The following HDAC10 variants were observed in gnomAD, a reference collection of about 807,000 sequenced individuals.
The protein encoded by HDAC10 is polyamine deacetylase HDAC10.
HDAC10 carries 90 observed loss-of-function variants against 82.3 expected under a neutral mutation model. The ratio of observed to expected loss-of-function variants is 1.09; its 90% CI spans 0.92 to 1.30. HDAC10 has a LOEUF of 1.30. HDAC10 is among the 50% of genes most tolerant of loss of function. HDAC10 has a pLI of 0.00. For synonymous variants in HDAC10, 456 were observed against 391.7 expected, an observed-to-expected ratio of 1.16 and a Z score of -1.94; for missense variants, 934 against 876.3, an observed-to-expected ratio of 1.07 and a Z score of -0.83.
chr22:50,248,129 C>A lies in HDAC10; in HGVS notation c.1098G>T (p.Pro366=), dbSNP rs188078440. The A allele has an allele frequency of 1.7e-5, 27 of 1,583,872 alleles. No homozygotes were observed. The Admixed American group carries it at 2.7e-4, about 16-fold the overall frequency. Residue 366 remains proline (P), a synonymous_variant, in exon 13 of 20, where the codon CCG becomes CCT. Transcript: ENST00000216271. The surrounding 1 kb of genome is among the most constrained non-coding windows in gnomAD (Gnocchi z 5.4). ...CTGGGGAGTGGCTGCTGGGGCTCAT[C>A]GGCACAGCGGTCACATCTAGGGACA... ...SLQQQDVTAV[P]MSPSSHSPEG...
Position 50,249,487 on chromosome 22 carries a change from G to C in HDAC10, c.564-33C>G. ...CAGCCAGCCAGGGCCAGAGGTCAAA[G>C]GTCAGGACCCTCAACAGCTCTACAG... On this transcript the variant is annotated intron_variant, in intron 6 of 19. Transcript: ENST00000216271. The surrounding 1 kb of genome is among the most constrained non-coding windows in gnomAD (Gnocchi z 4.4). 6.2e-7 allele frequency: 1 copy of C among 1,611,840 alleles called. No homozygotes were observed. The highest frequency in any genetic ancestry group is 8.5e-7 in the Non-Finnish European group (1 of 1,179,392).
chr22:50,249,422 T>C lies in HDAC10; in HGVS notation c.596A>G (p.His199Arg). ...TCGCAGGAAAGGCCAGAAGCGCCCA[T>C]GCTCATAGCGGTGCCAGGAGAAGTA... ...VLYFSWHRYE[H>R]GRFWPFLRES... is the part of the protein sequence containing the mutation. The change falls in exon 7 of 20, where the codon CAT becomes CGT. Residue 199 changes from histidine to arginine, a missense_variant. Transcript: ENST00000216271. This position sits in a 1 kb window ranked among gnomAD's most constrained non-coding sequence, Gnocchi z 4.4. 1 of 1,612,676 alleles carries C rather than the reference T, an allele frequency of 6.2e-7. No homozygotes were observed. The highest frequency in any genetic ancestry group is 8.5e-7 in the Non-Finnish European group (1 of 1,179,926).
In HDAC10 at chr22:50,249,028, G is replaced by A; in HGVS notation, c.756+75C>T. 6.9e-7 allele frequency: 1 copy of A among 1,449,480 alleles called. No homozygotes were observed. Among genetic ancestry groups the A allele is most frequent in the African/African-American group, 1.4e-5 (1 of 71,248 alleles). The allele number at this position is 1,449,480 out of a possible 1,614,324, so 89.8% of individuals were successfully genotyped here. On this transcript the variant is annotated intron_variant, in intron 8 of 19. Coordinates refer to ENST00000216271, the MANE Select transcript of HDAC10 (RefSeq NM_032019.6). This position sits in a 1 kb window ranked among gnomAD's most constrained non-coding sequence, Gnocchi z 4.4. ...TGGGACAGCTCATAACCCTCCTCCT[G>A]CCTTCACTGGCGCACTCCAGGCACA...
chr22:50,245,453 G>A lies in HDAC10; in HGVS notation c.*54C>T. ...TTGGGGTCCGGATCGCGGCCGCGGG[G>A]CGCTGGCGTGCGGTGTCATTTCTGC... On this transcript the variant is annotated 3_prime_UTR_variant, in exon 20 of 20. Transcript: ENST00000216271. 1.3e-6 allele frequency: 1 copy of A among 749,398 alleles called. No individual in the cohort carries two copies. The allele number at this position is 749,398 out of a possible 1,614,324, so 46.4% of individuals were successfully genotyped here.
At position 50,245,931 on chromosome 22, in the gene HDAC10, T is replaced by C; in HGVS notation, c.1812A>G (p.Arg604=). 4 of 1,586,780 alleles carry C rather than the reference T, an allele frequency of 2.5e-6. No homozygotes were observed. The highest frequency in any genetic ancestry group is 3.4e-6 in the Non-Finnish European group (4 of 1,167,312). Residue 604 remains arginine (R), a synonymous_variant, in exon 18 of 20, where the codon CGA becomes CGG. Coordinates refer to ENST00000216271, the MANE Select transcript of HDAC10 (RefSeq NM_032019.6). Reference sequence around the variant, plus strand: ...TTACCTCCTCCAGGAGGGCCAGGACTCGGCCCCCTGCCAGCCCCCGAAGCA... The same window carrying C: ...TTACCTCCTCCAGGAGGGCCAGGACCCGGCCCCCTGCCAGCCCCCGAAGCA... ...AAMLRGLAGG[R]VLALLEENST...
intron 3 of HDAC10, 67 bp downstream of exon 3, chr22:50,250,360 T>C: frequency 3.4e-6 from 5 of 1,486,856 alleles, no homozygotes; most frequent in Admixed American, 3.3e-5. Context: ...TTGGCGGCCG[T>C]GGCTGTGAAC....
Position 50,250,532 on chromosome 22 carries a change from A to T in HDAC10, c.195-9T>A, listed in dbSNP as rs773213338. 1.9e-6 allele frequency: 3 copies of T among 1,603,214 alleles called. No homozygotes were observed. The highest frequency in any genetic ancestry group is 2.6e-6 in the Non-Finnish European group (3 of 1,171,974). On this transcript the variant is annotated splice_polypyrimidine_tract_variant and intron_variant, in intron 2 of 19. Coordinates refer to ENST00000216271, the MANE Select transcript of HDAC10 (RefSeq NM_032019.6). ...GGGATACATACTCTGGGCTGCATGC[A>T]GATGGGCAGGCAGGAGAGGCAGGGT...
At chr22:50,246,408 C>T in intron 16 of HDAC10, 32 bp from the exon 17 acceptor site, 1 of 1,564,610 alleles carries the variant, frequency 6.4e-7, no homozygotes, top group Admixed American at 1.7e-5. Context: ...AGTGTAAGGC[C>T]CTGCTCACCC....
intron 14 of HDAC10, 22 bp from the exon 15 acceptor site, chr22:50,246,988 G>C: frequency 6.5e-7 from 1 of 1,530,502 alleles, no homozygotes; most frequent in Middle Eastern, 1.7e-4. Context: ...ATAAACAGTG[G>C]AGAATGAGGC....
rs1010625957 is a variant in HDAC10 at position 50,251,055 on chromosome 22, G to A, written c.-23C>T. 3.7e-6 allele frequency: 6 copies of A among 1,603,334 alleles called. No homozygotes were observed. The highest frequency in any genetic ancestry group is 5.1e-6 in the Non-Finnish European group (6 of 1,174,136). ...CATGGCTGCGCCGTGGTCACCCTGG[G>A]TTCCCAAACGCCCTCGCTAGTGGTG... is the stretch of plus-strand genomic sequence containing the variant. On this transcript the variant is annotated 5_prime_UTR_variant, in exon 1 of 20. Transcript: ENST00000216271.
chr22:50,250,422 C>G lies in HDAC10; in HGVS notation c.291+5G>C. The G allele has an allele frequency of 6.2e-7, 1 of 1,611,898 alleles. No individual in the cohort carries two copies. The highest frequency in any genetic ancestry group is 8.5e-7 in the Non-Finnish European group (1 of 1,179,008). On this transcript the variant is annotated splice_donor_5th_base_variant and intron_variant, in intron 3 of 19. Transcript: ENST00000216271. The stretch of plus-strand genomic sequence containing the variant: ...GCACAGGTGAGTGTGTCCGGGGACA[C>G]GCACCGGGTGGAAGTAGATGGCGTC...
At position 50,249,156 on chromosome 22, in the gene HDAC10, T is replaced by C; in HGVS notation, c.703A>G (p.Asn235Asp). The change falls in exon 8 of 20, where the codon AAC becomes GAC. Residue 235 changes from asparagine (N) to aspartate (D), a missense_variant. Asn to Asp is a conservative substitution (Grantham distance 23, BLOSUM62 1). Transcript: ENST00000216271. This position sits in a 1 kb window ranked among gnomAD's most constrained non-coding sequence, Gnocchi z 4.4. ...AGGAAGGCAGCCACGTAGTCAGCGT[T>C]TCCCATCCCAACCTGGCAGGACATC... ...NLPWNQVGMG[N>D]ADYVAAFLHL... 6.4e-7 allele frequency: 1 copy of C among 1,565,420 alleles called. No individual in the cohort carries two copies. The highest frequency in any genetic ancestry group is 1.4e-5 in the African/African-American group (1 of 72,736).
rs2065011753 is a variant in HDAC10 at position 50,248,597 on chromosome 22, C to T, written c.906+65G>A. On this transcript the variant is annotated intron_variant, in intron 10 of 19. Transcript: ENST00000216271. The surrounding 1 kb of genome is among the most constrained non-coding windows in gnomAD (Gnocchi z 5.4). ...TCCCAAATACCCCGTGGGCACCTGGCTCCCATGCTCCTGACCCCCAGGCCT... is the reference window on the plus strand; with the variant it reads ...TCCCAAATACCCCGTGGGCACCTGGTTCCCATGCTCCTGACCCCCAGGCCT... 1.4e-5 allele frequency: 21 copies of T among 1,469,876 alleles called. No homozygotes were observed. The highest frequency in any genetic ancestry group is 1.9e-5 in the Non-Finnish European group (21 of 1,104,014). The allele number at this position is 1,469,876 out of a possible 1,614,324, so 91.1% of individuals were successfully genotyped here. A position where few individuals can be genotyped will look rare whatever the true frequency, so the allele number is the denominator to read the frequency against.
rs1400563463 is a variant in HDAC10 at position 50,248,092 on chromosome 22, G to A, written c.1135C>T (p.Pro379Ser). The change falls in exon 13 of 20, where the codon CCA (proline) becomes TCA (serine). Residue 379 changes from proline to serine, a missense_variant. By Grantham distance (74) the Pro-to-Ser change is moderately conservative (BLOSUM62 -1). Transcript: ENST00000216271. The surrounding 1 kb of genome is among the most constrained non-coding windows in gnomAD (Gnocchi z 5.4). ...ACTGGACCCCCAGGCAGCAGAGGTG[G>A]AGGCCTCCCCTCTGGGGAGTGGCTG... The part of the protein sequence containing the change: ...PSSHSPEGRP[P>S]PLLPGGPVCK... 6.3e-7 allele frequency: 1 copy of A among 1,598,522 alleles called. No individual in the cohort carries two copies. The highest frequency in any genetic ancestry group is 1.7e-5 in the Admixed American group (1 of 59,446).
At position 50,247,761 on chromosome 22, in the gene HDAC10, C is replaced by G. The variant is rs1000182798; in HGVS notation, c.1353G>C (p.Leu451=). ...GTGCAGTGAGGGCCTCCTCCCGGGC[C>G]AGGGACTCGTGTGGCCTGTGGTGGA... The part of the protein sequence containing the change: ...TEAWARPHES[L]AREEALTALG... Residue 451 remains leucine (L), a synonymous_variant, in exon 14 of 20, where the codon CTG becomes CTC. Transcript: ENST00000216271. 2 of 1,608,782 alleles carry G rather than the reference C, an allele frequency of 1.2e-6. No individual in the cohort carries two copies. Among genetic ancestry groups the G allele is most frequent in the East Asian group, 4.5e-5 (2 of 44,726 alleles).
rs139715095 is a variant in HDAC10 at position 50,248,855 on chromosome 22, A to G, written c.792T>C (p.Phe264=). 3.1e-6 allele frequency: 5 copies of G among 1,611,430 alleles called. No individual in the cohort carries two copies. Among genetic ancestry groups the G allele is most frequent in the Non-Finnish European group, 4.2e-6 (5 of 1,179,472 alleles). The part of the protein sequence containing the change: ...DPELVLVSAG[F]DSAIGDPEGQ... ...CCTCAGGGTCCCCGATGGCTGAGTCAAATCCTGCCGAGACCAGCACCAGCT... is the reference window on the plus strand; with the variant it reads ...CCTCAGGGTCCCCGATGGCTGAGTCGAATCCTGCCGAGACCAGCACCAGCT... Residue 264 remains phenylalanine, a synonymous_variant, in exon 9 of 20, where the codon TTT becomes TTC. Transcript: ENST00000216271. This position sits in a 1 kb window ranked among gnomAD's most constrained non-coding sequence, Gnocchi z 5.4.
intron 14 of HDAC10, 156 bp from the exon 15 acceptor site, chr22:50,247,122 A>G: frequency 2.0e-6 from 1 of 498,362 alleles, no homozygotes; most frequent in Non-Finnish European, 3.5e-6. Context: ...TGTAAATAAG[A>G]TGCTTACGTC....
At position 50,246,296 on chromosome 22, in the gene HDAC10, A is replaced by G. The variant is rs1569133209; in HGVS notation, c.1650+2T>C. Reference sequence around the variant, plus strand: ...GCCTTGCCGCGTGGCATGGTCACTCACCACTGGCAGTGGCGTGGAGACATG... The same window carrying G: ...GCCTTGCCGCGTGGCATGGTCACTCGCCACTGGCAGTGGCGTGGAGACATG... On this transcript the variant is annotated splice_donor_variant, in intron 17 of 19. Transcript: ENST00000216271. LOFTEE classifies it high-confidence loss of function. 1.2e-6 allele frequency: 2 copies of G among 1,610,436 alleles called. No individual in the cohort carries two copies. Among genetic ancestry groups the G allele is most frequent in the Admixed American group, 1.7e-5 (1 of 60,020 alleles).
Position 50,245,903 on chromosome 22 carries a change from A to G in HDAC10, c.1833+7T>C, listed in dbSNP as rs1230529640. 3 of 1,567,954 alleles carry G rather than the reference A, an allele frequency of 1.9e-6. No individual in the cohort carries two copies. Among genetic ancestry groups the G allele is most frequent in the Non-Finnish European group, 2.6e-6 (3 of 1,156,706 alleles). The stretch of plus-strand genomic sequence containing the variant: ...ACCCCGCAGCACCTCCACCCTGCCC[A>G]GCTTACCTCCTCCAGGAGGGCCAGG... On this transcript the variant is annotated splice_region_variant and intron_variant, in intron 18 of 19. Coordinates refer to ENST00000216271, the MANE Select transcript of HDAC10 (RefSeq NM_032019.6).
Sources: gnomAD v4.1 joint callset for allele counts on GRCh38, gnomAD v4.1.1 for gene constraint, Gnocchi (gnomAD v3.1) non-coding constraint, MANE v1.5 for transcripts, NCBI Gene and HGNC (gene_info 2026-07-23, HGNC 2026-07-21) for gene names.